The following TUBB8 variants were observed in gnomAD, a reference collection of about 807,000 sequenced individuals.
The protein encoded by TUBB8 is tubulin beta 8 class VIII, also known as tubulin beta-8 chain.
A neutral mutation model predicts 33.7 loss-of-function variants in TUBB8; 25 were observed. The observed-to-expected ratio is 0.74, with a 90% CI of 0.54 to 1.04. The LOEUF (loss-of-function observed/expected upper bound fraction) is 1.04, where lower values mean the gene tolerates loss of function less well. Among genes scored for constraint, TUBB8 ranks in the 50% least tolerant of loss-of-function variants. The pLI, the probability that TUBB8 is intolerant of heterozygous loss-of-function variation, is 0.00. For missense variants in TUBB8, 279 were observed against 608.0 expected (o/e 0.46, Z 5.69); for synonymous variants, 245 against 240.1 (o/e 1.02, Z -0.19).
In TUBB8 at chr10:48,676, G is replaced by T. The variant is rs782574116; in HGVS notation, c.216C>A (p.Thr72=). The T allele has an allele frequency of 1.2e-6, 2 of 1,612,184 alleles. No homozygotes were observed. The highest frequency in any genetic ancestry group is 1.7e-6 in the Non-Finnish European group (2 of 1,179,838). ...RAVLVDLEPG[T]MDSVRSGPFG... is the part of the protein sequence containing the mutation. ...AGGGCCCCGAGCGCACAGAGTCCAT[G>T]GTGCCCGGCTCCAGATCCACGAGCA... Residue 72 remains threonine, a synonymous_variant, in exon 3 of 4, where the codon ACC becomes ACA. Coordinates refer to ENST00000568584, the MANE Select transcript of TUBB8 (RefSeq NM_177987.3).
rs1554739042 is a variant in TUBB8 at position 49,191 on chromosome 10, G to C, written c.48C>G (p.Ile16Met). 6.3e-7 allele frequency: 1 copy of C among 1,575,062 alleles called. No individual in the cohort carries two copies. Among genetic ancestry groups the C allele is most frequent in the Admixed American group, 1.8e-5 (1 of 54,960 alleles). The change falls in exon 1 of 4, where the codon ATC (isoleucine) becomes ATG (methionine). Residue 16 changes from isoleucine (I) to methionine (M), a missense_variant. By Grantham distance (10) the Ile-to-Met change is conservative. This residue lies in a region of TUBB8 where 56 missense variants were observed against 77.9 expected (regional missense o/e 0.72). Coordinates refer to ENST00000568584, the MANE Select transcript of TUBB8 (RefSeq NM_177987.3). ...LTQIGQCGNQ[I>M]GAKFWEVISD... Reference sequence around the variant, plus strand: ...AGCCCCGGCTGCCAACCTTGGCGCCGATCTGATTCCCGCACTGCCCGATCT... The same window carrying C: ...AGCCCCGGCTGCCAACCTTGGCGCCCATCTGATTCCCGCACTGCCCGATCT...
At chr10:51,982 A>G (rs556221638), upstream of TUBB8, among the ~76,000 whole-genome samples, 22 of 152,342 alleles carry the variant, frequency 1.4e-4, no homozygotes, top group African/African-American at 5.0e-4. Context: ...GCAGAAAGGC[A>G]ACAATATGCA....
chr10:75,268 G>T (rs1327949651), upstream of TUBB8, among the ~76,000 whole-genome samples: 1 of 151,760 alleles, frequency 6.6e-6, no homozygotes, highest in Non-Finnish European at 1.5e-5. Flanking sequence ...AGGATTGCTG[G>T]AGCCCAGGAC....
upstream of TUBB8, among the ~76,000 whole-genome samples, chr10:53,942 T>A (rs1834499337): frequency 6.6e-6 from 1 of 152,258 alleles, no homozygotes; most frequent in Non-Finnish European, 1.5e-5. Flanking sequence ...TATATATTTA[T>A]GGGGGTACAT....
At chr10:63,603 A>C (rs1285253682) in intron 1 of TUBB8, among the ~76,000 whole-genome samples, 3 of 152,140 alleles carry the variant, frequency 2.0e-5, no homozygotes, top group African/African-American at 7.2e-5. Context: ...TCAGTATGAT[A>C]ATTGCATTTT....
chr10:48,867 T>C lies in TUBB8; in HGVS notation c.103A>G (p.Thr35Ala). Residue 35 changes from threonine to alanine, a missense_variant, in exon 2 of 4, where the codon ACC becomes GCC. Around this residue, in one of 4 missense-constraint regions of TUBB8, gnomAD observed 56 missense variants for 77.9 expected, o/e 0.72. Coordinates refer to ENST00000568584, the MANE Select transcript of TUBB8 (RefSeq NM_177987.3). ...TGCAGGTGGCTGTCCCCGTGGTAGG[T>C]GCCAGCGGAGTCGATGGCATGTTCA... ...SDEHAIDSAG[T>A]YHGDSHLQLE... 2 of 1,586,918 alleles carry C rather than the reference T, an allele frequency of 1.3e-6. No homozygotes were observed. Among genetic ancestry groups the C allele is most frequent in the Non-Finnish European group, 1.7e-6 (2 of 1,168,452 alleles).
At chr10:60,691 A>G (rs1431583543) in intron 1 of TUBB8, among the ~76,000 whole-genome samples, 3 of 152,194 alleles carry the variant, frequency 2.0e-5, no homozygotes, top group African/African-American at 7.2e-5. Flanking sequence ...ATCTAGAACT[A>G]GAAATACCAT....
At chr10:56,200 T>A (rs1834528532) in intron 1 of TUBB8, among the ~76,000 whole-genome samples, 1 of 152,246 alleles carries the variant, frequency 6.6e-6, no homozygotes, top group African/African-American at 2.4e-5. Flanking sequence ...TTTTATTTCT[T>A]TGGTAAATTC....
intron 1 of TUBB8, among the ~76,000 whole-genome samples, chr10:56,872 C>T (rs1834538044): frequency 6.6e-6 from 1 of 152,200 alleles, no homozygotes; most frequent in Non-Finnish European, 1.5e-5. Context: ...AGTCTTAACT[C>T]ATTTCAGCCT....
At chr10:55,017 A>C (rs1834511751) in intron 1 of TUBB8, among the ~76,000 whole-genome samples, 1 of 152,162 alleles carries the variant, frequency 6.6e-6, no homozygotes, top group Admixed American at 6.5e-5. Flanking sequence ...CTGCCTCCCA[A>C]AGTGCTGGGA....
rs371892997 is a variant in TUBB8, at chr10:48,800, T to G, written c.166+4A>C. 1.8e-3 allele frequency: 2,979 copies of G among 1,611,544 alleles called. 4 individuals carry two copies. Among genetic ancestry groups the G allele is most frequent in the Middle Eastern group, 2.2e-3 (12 of 5,502 alleles). ...GGGCGGTGGGGGAAGGACGGGGGTC[T>G]CACCGCTGGCCTCGTTGTAGTACAC... On this transcript the variant is annotated splice_donor_region_variant and intron_variant, in intron 2 of 3. Coordinates refer to ENST00000568584, the MANE Select transcript of TUBB8 (RefSeq NM_177987.3).
rs782124284 is a variant in TUBB8, at chr10:47,402, CA to C, written c.989del (p.Met330SerfsTer20). ...RMPMREVDEQ[M>X]FNIQDKNSSY... ...TGCTGTTCTTATCTTGAATGTTGAA[CA>C]TTTGTTCATCCACCTCCCTCATGGG... is the stretch of plus-strand genomic sequence containing the variant. On this transcript the variant is annotated frameshift_variant, in exon 4 of 4. Coordinates refer to ENST00000568584, the MANE Select transcript of TUBB8 (RefSeq NM_177987.3). LOFTEE classifies it high-confidence loss of function. 1.1e-5 allele frequency: 18 copies of C among 1,612,458 alleles called. No individual in the cohort carries two copies. In the Admixed American group the frequency reaches 3.0e-4, roughly 27 times the overall value.
At position 65,887 on chromosome 10, in the gene TUBB8, TAAAC is replaced by T. The variant is rs1834664819; in HGVS notation, c.-846+8078_-846+8081del. The stretch of plus-strand genomic sequence containing the variant: ...GCCATCACTGCAAAGGAACATCAAA[TAAAC>T]AGAATAAAGAAGAAACCCACATGCT... On this transcript the variant is annotated intron_variant, in intron 1 of 3. Transcript: ENST00000564130. Among the ~76,000 whole-genome samples the T allele has an allele frequency of 3.3e-5, 5 of 152,334 alleles. No homozygotes were observed. The South Asian group carries it at 1.0e-3, about 32-fold the overall frequency.
chr10:48,581 A>G (rs782670700), intron 3 of TUBB8, 34 bp downstream of exon 3: 21 of 1,573,210 alleles, frequency 1.3e-5, no homozygotes, highest in Non-Finnish European at 1.7e-5. Context: ...GCCCTGGCTA[A>G]GGAGCCGCAC....
rs148025238 is a variant in TUBB8, at chr10:47,792, A to G, written c.600T>C (p.Phe200=). Residue 200 remains phenylalanine, a synonymous_variant, in exon 4 of 4, where the codon TTT becomes TTC. Coordinates refer to ENST00000568584, the MANE Select transcript of TUBB8 (RefSeq NM_177987.3). ...CATACAGAGCTTCGTTATCTATGCA[A>G]AAGGTCTCATCTGCGTTTTCTATGA... ...HQLIENADET[F]CIDNEALYDI... 1.3e-3 allele frequency: 2,051 copies of G among 1,596,546 alleles called. 11 individuals carry two copies. In the African/African-American group the frequency reaches 0.026, roughly 20 times the overall value.
chr10:56,971 A>G (rs1428173542), intron 1 of TUBB8, among the ~76,000 whole-genome samples: 1 of 152,182 alleles, frequency 6.6e-6, no homozygotes, highest in Non-Finnish European at 1.5e-5. Context: ...AAGTACTTCC[A>G]AGATAAAAAT....
intron 1 of TUBB8, among the ~76,000 whole-genome samples, chr10:63,276 C>A (rs1834626560): frequency 6.6e-6 from 1 of 152,182 alleles, no homozygotes; most frequent in Non-Finnish European, 1.5e-5. Context: ...TGGGGTTTCA[C>A]CGTGTTAGCC....
At chr10:62,475 G>A (rs1834615531) in intron 1 of TUBB8, among the ~76,000 whole-genome samples, 1 of 152,202 alleles carries the variant, frequency 6.6e-6, no homozygotes, top group African/African-American at 2.4e-5. Context: ...GAAATATGTT[G>A]TAGTTATTTT....
chr10:56,300 CCTA>C (rs1834530487), intron 1 of TUBB8, among the ~76,000 whole-genome samples: 1 of 152,122 alleles, frequency 6.6e-6, no homozygotes, highest in Non-Finnish European at 1.5e-5. Context: ...ATATAGAAAT[CCTA>C]CTGATTTGTA....
Sources: allele counts gnomAD v4.1 joint callset (sites outside exome capture counted in the v4.1 genomes callset), GRCh38; gene constraint gnomAD v4.1.1; regional missense constraint gnomAD v4.1.1; transcripts MANE v1.5; gene names NCBI Gene and HGNC (gene_info 2026-07-23, HGNC 2026-07-21).